Variants in RALGAPA1 observed in about 807,000 individuals in gnomAD.
RALGAPA1 encodes the protein Ral GTPase activating protein catalytic subunit alpha 1.
In RALGAPA1, 52 loss-of-function variants were observed where a neutral mutation model predicts 269.6. That is an observed-to-expected ratio of 0.19 (90% CI 0.15 to 0.24). The LOEUF is 0.24. Among genes scored for constraint, RALGAPA1 ranks in the 10% least tolerant of loss-of-function variants. The probability of loss-of-function intolerance (pLI) is 1.00; values close to 1 mark genes in which losing one functional copy is unlikely to be tolerated. For missense variants in RALGAPA1, 1,917 were observed against 3,013.9 expected (o/e 0.64, Z 8.52); for synonymous variants, 817 against 1,008.3 (o/e 0.81, Z 3.60).
chr14:35,568,626 T>C (rs2056908321), intron 39 of RALGAPA1, among the ~76,000 whole-genome samples: 1 of 152,120 alleles, frequency 6.6e-6, no homozygotes, highest in South Asian at 2.1e-4. Context: ...TTTATTCACA[T>C]CTGGGGAAAA....
intron 10 of RALGAPA1, among the ~76,000 whole-genome samples, chr14:35,743,432 T>C (rs767331873): frequency 6.6e-6 from 1 of 152,240 alleles, no homozygotes; most frequent in African/African-American, 2.4e-5. Flanking sequence ...CCTTGCTTCC[T>C]GAAATAATTG....
At chr14:35,668,293 G>A (rs1162600417) in intron 26 of RALGAPA1, among the ~76,000 whole-genome samples, 1 of 152,188 alleles carries the variant, frequency 6.6e-6, no homozygotes, top group African/African-American at 2.4e-5. Flanking sequence ...GACCAGCCTG[G>A]CCAAAATGGT....
In RALGAPA1 at chr14:35,742,533, A is replaced by C; in HGVS notation, c.1284T>G (p.Ala428=). 2 of 1,608,542 alleles carry C rather than the reference A, an allele frequency of 1.2e-6. No homozygotes were observed. The highest frequency in any genetic ancestry group is 1.7e-6 in the Non-Finnish European group (2 of 1,176,082). Residue 428 remains alanine (A), a synonymous_variant, in exon 11 of 42, where the codon GCT becomes GCG. Coordinates refer to ENST00000680220, the MANE Select transcript of RALGAPA1 (RefSeq NM_001346249.2). ...AFLLPICEAA[A]MRKVVKVYQE... ...GATATACTTTTACCACTTTTCTCAT[A>C]GCTGCTGCTTCACAAATTGGTAATA... is the stretch of plus-strand genomic sequence containing the variant.
intron 36 of RALGAPA1, among the ~76,000 whole-genome samples, chr14:35,600,141 T>TA (rs1472121705): frequency 6.6e-6 from 1 of 151,600 alleles, no homozygotes; most frequent in Non-Finnish European, 1.5e-5. Flanking sequence ...TAGACTTTTT[T>TA]TTTTTTTTGT....
intron 37 of RALGAPA1, among the ~76,000 whole-genome samples, chr14:35,583,164 A>T (rs2058060132): frequency 6.6e-6 from 1 of 152,260 alleles, no homozygotes; most frequent in African/African-American, 2.4e-5. Flanking sequence ...CCAGGAATTT[A>T]AAACAACTAT....
chr14:35,793,238 C>CTTT (rs762905743), intron 1 of RALGAPA1, among the ~76,000 whole-genome samples: 2 of 141,054 alleles, frequency 1.4e-5, no homozygotes, highest in African/African-American at 2.6e-5. Context: ...CCAAAGTCTA[C>CTTT]TTTTTTTTTT....
rs745334861 is a variant in RALGAPA1, at chr14:35,725,194, T to C, written c.1737-41A>G. On this transcript the variant is annotated intron_variant, in intron 13 of 41. Coordinates refer to ENST00000680220, the MANE Select transcript of RALGAPA1 (RefSeq NM_001346249.2). ...CTGATTAATGTTTCCTTCTTGCATATGTTTGCATTTGGTTAATAGTTAACT... is the reference window on the plus strand; with the variant it reads ...CTGATTAATGTTTCCTTCTTGCATACGTTTGCATTTGGTTAATAGTTAACT... The C allele has an allele frequency of 2.7e-6, 4 of 1,463,384 alleles. No individual in the cohort carries two copies. The South Asian group carries it at 6.0e-5, about 22-fold the overall frequency. The allele number at this position is 1,463,384 out of a possible 1,614,324, so 90.6% of individuals were successfully genotyped here.
At chr14:35,751,805 ACAACAAC>A (rs768838269) in intron 8 of RALGAPA1, among the ~76,000 whole-genome samples, 11 of 148,060 alleles carry the variant, frequency 7.4e-5, no homozygotes, top group Non-Finnish European at 7.4e-5. Context: ...AACAACAACA[ACAACAAC>A]AAAAAAAAAC....
At chr14:35,767,595 G>A (rs1395742398) in intron 4 of RALGAPA1, among the ~76,000 whole-genome samples, 4 of 152,070 alleles carry the variant, frequency 2.6e-5, no homozygotes, top group Non-Finnish European at 4.4e-5. Flanking sequence ...GGCTGAGGCA[G>A]GAGAATTGCT....
intron 10 of RALGAPA1, among the ~76,000 whole-genome samples, chr14:35,747,159 T>A (rs2072195300): frequency 6.6e-6 from 1 of 151,492 alleles, no homozygotes; most frequent in Admixed American, 6.6e-5. Context: ...CAAAAAAAAT[T>A]TAAAAATCAC....
intron 41 of RALGAPA1, among the ~76,000 whole-genome samples, chr14:35,540,584 G>A (rs955008132): frequency 1.3e-5 from 2 of 152,014 alleles, no homozygotes; most frequent in Non-Finnish European, 2.9e-5. Context: ...CTTGCACACT[G>A]TAGGCTTTCA....
chr14:35,589,775 A>T (rs902621064), intron 37 of RALGAPA1, among the ~76,000 whole-genome samples: 4 of 152,128 alleles, frequency 2.6e-5, no homozygotes, highest in Non-Finnish European at 5.9e-5. Context: ...ATCTTGGCTC[A>T]TTGCAGCCTC....
chr14:35,792,492 A>T (rs998583817), intron 1 of RALGAPA1, among the ~76,000 whole-genome samples: 1 of 151,986 alleles, frequency 6.6e-6, no homozygotes, highest in Non-Finnish European at 1.5e-5. Flanking sequence ...AAAGATTGCT[A>T]CAGGACCTGG....
intron 41 of RALGAPA1, among the ~76,000 whole-genome samples, chr14:35,547,774 G>A (rs1010755031): frequency 1.3e-5 from 2 of 151,720 alleles, no homozygotes; most frequent in Non-Finnish European, 2.9e-5. Flanking sequence ...GGTTTAATAC[G>A]GTTTTGTCTT....
In RALGAPA1 at chr14:35,785,292, G is replaced by A. The variant is rs755494792; in HGVS notation, c.107-9547C>T. ...ATGTGTTTAATAAAAATAATTACCC[G>A]TTCTTGCTTATATCTTGTTCCTTGA... On this transcript the variant is annotated intron_variant, in intron 1 of 41. Coordinates refer to ENST00000680220, the MANE Select transcript of RALGAPA1 (RefSeq NM_001346249.2). 5.3e-5 allele frequency among the ~76,000 whole-genome samples: 8 copies of A among 152,128 alleles called. No homozygotes were observed. The East Asian group carries it at 7.7e-4, about 15-fold the overall frequency.
intron 35 of RALGAPA1, among the ~76,000 whole-genome samples, chr14:35,614,556 G>C (rs1326519831): frequency 1.3e-5 from 2 of 152,050 alleles, no homozygotes; most frequent in Non-Finnish European, 2.9e-5. Context: ...TCTAAGGCTG[G>C]GGGGAAAGAA....
chr14:35,739,040 CAA>C (rs33977985), intron 11 of RALGAPA1, among the ~76,000 whole-genome samples: 37,526 of 151,254 alleles, frequency 0.25, 5,098 homozygotes, highest in Admixed American at 0.34. Context: ...AAATAAATGA[CAA>C]AAAAAAAAAG....
chr14:35,553,664 G>A lies in RALGAPA1; in HGVS notation c.7497-4430C>T, dbSNP rs557663845. ...TGTGTGTGTGTGTATATATGTATGC[G>A]TATACATATGTTATACACAAGAATG... On this transcript the variant is annotated intron_variant, in intron 39 of 41. Transcript: ENST00000680220. Among the ~76,000 whole-genome samples the A allele has an allele frequency of 6.0e-4, 91 of 151,966 alleles. No individual in the cohort carries two copies. In the South Asian group the frequency reaches 0.012, roughly 20 times the overall value.
At chr14:35,732,032 A>T (rs2070522017) in intron 12 of RALGAPA1, among the ~76,000 whole-genome samples, 1 of 152,160 alleles carries the variant, frequency 6.6e-6, no homozygotes, top group Non-Finnish European at 1.5e-5. Context: ...ATTAACAGAG[A>T]TTTTTCAGCA....
Sources: allele counts gnomAD v4.1 joint callset (sites outside exome capture counted in the v4.1 genomes callset), GRCh38; gene constraint gnomAD v4.1.1; transcripts MANE v1.5; gene names NCBI Gene and HGNC (gene_info 2026-07-23, HGNC 2026-07-21).